Variants in MYO3B observed in about 807,000 individuals in gnomAD.
MYO3B encodes myosin-IIIb.
MYO3B carries 156 observed loss-of-function variants against 174.6 expected under a neutral mutation model. The ratio of observed to expected loss-of-function variants is 0.89; its 90% CI spans 0.78 to 1.02. The LOEUF (loss-of-function observed/expected upper bound fraction) is 1.02, where lower values mean the gene tolerates loss of function less well. MYO3B is among the 50% of genes least tolerant of loss of function. The pLI is 0.00. For synonymous variants in MYO3B, 563 were observed against 569.1 expected, an observed-to-expected ratio of 0.99 and a Z score of 0.15; for missense variants, 1,632 against 1,639.4, an observed-to-expected ratio of 1.00 and a Z score of 0.08.
intron 25 of MYO3B, among the ~76,000 whole-genome samples, chr2:170,495,678 C>G (rs1274407317): frequency 6.6e-6 from 1 of 152,066 alleles, no homozygotes; most frequent in African/African-American, 2.4e-5. Flanking sequence ...TTTCAAGGTG[C>G]TGGTCATTCA....
chr2:170,507,198 G>T (rs1687667663), intron 28 of MYO3B, among the ~76,000 whole-genome samples: 2 of 152,084 alleles, frequency 1.3e-5, no homozygotes, highest in South Asian at 4.1e-4. Context: ...TAATTTACCT[G>T]GTGCACCTGA....
chr2:170,420,535 G>C (rs13005567), intron 22 of MYO3B, among the ~76,000 whole-genome samples: 36,639 of 152,030 alleles, frequency 0.24, 5,291 homozygotes, highest in Non-Finnish European at 0.32. Flanking sequence ...GCCTGGAGTG[G>C]GTGACAGATT....
At chr2:170,289,224 G>A (rs914304133) in intron 7 of MYO3B, among the ~76,000 whole-genome samples, 5 of 152,046 alleles carry the variant, frequency 3.3e-5, no homozygotes, top group African/African-American at 1.2e-4. Flanking sequence ...TGTCCTTGTA[G>A]AATAGTTGGG....
At chr2:170,214,615 G>A in intron 4 of MYO3B, 114 bp from the exon 5 acceptor site, 1 of 1,301,038 alleles carries the variant, frequency 7.7e-7, no homozygotes, top group Non-Finnish European at 1.1e-6. Context: ...GGAAGGTGTA[G>A]CCAAATGTAG....
At chr2:170,321,396 G>A (rs749655344) in intron 7 of MYO3B, among the ~76,000 whole-genome samples, 11 of 151,948 alleles carry the variant, frequency 7.2e-5, no homozygotes, top group South Asian at 2.1e-4. Flanking sequence ...AAAATAGATC[G>A]TTTATTAACT....
chr2:170,499,794 T>C lies in MYO3B; in HGVS notation c.3275T>C (p.Ile1092Thr), dbSNP rs370582963. 2 of 1,613,828 alleles carry C rather than the reference T, an allele frequency of 1.2e-6. No homozygotes were observed. Among genetic ancestry groups the C allele is most frequent in the South Asian group, 1.1e-5 (1 of 91,058 alleles). ...AGAGAGAAGAGAGAGAAGGGAGCCA[T>C]TGCCATCCAGTCAGGTAAATGGTCC... ...RVREKREKGA[I>T]AIQSAWRGYD... Residue 1092 changes from isoleucine to threonine, a missense_variant, in exon 27 of 35, where the codon ATT (isoleucine) becomes ACT (threonine). Transcript: ENST00000408978.
At chr2:170,181,342 A>C (rs1034867672) in intron 1 of MYO3B, among the ~76,000 whole-genome samples, 5 of 152,150 alleles carry the variant, frequency 3.3e-5, no homozygotes, top group African/African-American at 9.6e-5. Flanking sequence ...TGTTTTTATA[A>C]ATTCCATCAG....
chr2:170,237,965 T>C (rs1285810120), intron 7 of MYO3B, among the ~76,000 whole-genome samples: 1 of 152,240 alleles, frequency 6.6e-6, no homozygotes, highest in Non-Finnish European at 1.5e-5. Context: ...ACAACCTTAA[T>C]GGCTGACGTG....
intron 6 of MYO3B, among the ~76,000 whole-genome samples, chr2:170,228,974 A>C (rs1015400261): frequency 5.8e-4 from 88 of 151,854 alleles, no homozygotes; most frequent in African/African-American, 2.1e-3. Context: ...AAAAAAAAAA[A>C]AAAAAAACAA....
chr2:170,463,752 G>C (rs1022158201), intron 24 of MYO3B, among the ~76,000 whole-genome samples: 1 of 152,170 alleles, frequency 6.6e-6, no homozygotes, highest in South Asian at 2.1e-4. Context: ...TATAAGTTCA[G>C]ATACTGAGAG....
chr2:170,454,204 T>C (rs1310018271), intron 23 of MYO3B, among the ~76,000 whole-genome samples: 3 of 152,210 alleles, frequency 2.0e-5, no homozygotes, highest in Non-Finnish European at 2.9e-5. Context: ...ATCTTCCTGA[T>C]TGAGGAGAAA....
In MYO3B at chr2:170,369,379, T is replaced by C. The variant is rs762361281; in HGVS notation, c.971+2T>C. Reference sequence around the variant, plus strand: ...TCAAAATCCTGTTGCTAAAACCAGGTACTGTACTCTCTTTCTTCTTTCTCC... The same window carrying C: ...TCAAAATCCTGTTGCTAAAACCAGGCACTGTACTCTCTTTCTTCTTTCTCC... On this transcript the variant is annotated splice_donor_variant, in intron 9 of 34. Transcript: ENST00000408978. LOFTEE classifies it high-confidence loss of function. 1.2e-6 allele frequency: 2 copies of C among 1,610,830 alleles called. No individual in the cohort carries two copies. Among genetic ancestry groups the C allele is most frequent in the Non-Finnish European group, 1.7e-6 (2 of 1,178,236 alleles).
At chr2:170,513,188 C>T (rs902850526) in intron 28 of MYO3B, among the ~76,000 whole-genome samples, 6 of 152,178 alleles carry the variant, frequency 3.9e-5, no homozygotes, top group African/African-American at 1.4e-4. Flanking sequence ...TCATGCCACT[C>T]CCCAACCCCA....
intron 22 of MYO3B, among the ~76,000 whole-genome samples, chr2:170,430,659 C>T (rs1004166465): frequency 3.3e-5 from 5 of 152,236 alleles, no homozygotes; most frequent in East Asian, 3.9e-4. Flanking sequence ...CATGAGCCAC[C>T]GCGCCTGGCC....
At chr2:170,609,870 C>G (rs752490431) in intron 32 of MYO3B, among the ~76,000 whole-genome samples, 3 of 152,206 alleles carry the variant, frequency 2.0e-5, no homozygotes, top group African/African-American at 7.2e-5. Flanking sequence ...ATTAATCACT[C>G]TGGGTGGGGA....
At chr2:170,416,818 GTTTTT>G (rs552594236) in intron 22 of MYO3B, among the ~76,000 whole-genome samples, 1 of 116,124 alleles carries the variant, frequency 8.6e-6, no homozygotes, top group Non-Finnish European at 1.8e-5. Flanking sequence ...TTTTTCTGTT[GTTTTT>G]TTTTTTTTTT....
intron 23 of MYO3B, among the ~76,000 whole-genome samples, chr2:170,459,713 C>A (rs989704772): frequency 2.0e-5 from 3 of 152,114 alleles, no homozygotes; most frequent in African/African-American, 7.2e-5. Flanking sequence ...AGGCTCGGGC[C>A]GCATGGGAAC....
intron 6 of MYO3B, among the ~76,000 whole-genome samples, chr2:170,221,741 T>TG (rs2092903069): frequency 1.5e-5 from 2 of 129,192 alleles, no homozygotes; most frequent in African/African-American, 2.5e-5. Flanking sequence ...TCAGTAGAAT[T>TG]TTTTTTTAAA....
chr2:170,362,947 C>G (rs977421118), intron 8 of MYO3B, among the ~76,000 whole-genome samples: 8 of 152,150 alleles, frequency 5.3e-5, no homozygotes, highest in Admixed American at 2.0e-4. Context: ...TCTTCCAAGG[C>G]AGAATACTGT....
Sources: allele counts gnomAD v4.1 joint callset (sites outside exome capture counted in the v4.1 genomes callset), GRCh38; gene constraint gnomAD v4.1.1; transcripts MANE v1.5; gene names NCBI Gene and HGNC (gene_info 2026-07-23, HGNC 2026-07-21).